The following FAM83G variants were observed in gnomAD, a reference collection of about 807,000 sequenced individuals.
FAM83G encodes scaffolding CK1 anchoring protein G.
In FAM83G, 38 loss-of-function variants were observed where a neutral mutation model predicts 61.5. That is an observed-to-expected ratio of 0.62 (90% CI 0.48 to 0.81). The LOEUF is 0.81. FAM83G is among the 30% of genes least tolerant of loss of function. FAM83G has a pLI of 0.00. For synonymous variants in FAM83G, 470 were observed against 476.1 expected (o/e 0.99, Z 0.17); for missense variants, 989 against 1,133.6 (o/e 0.87, Z 1.83).
At chr17:19,001,658 T>A (rs1230198230) in intron 2 of FAM83G, among the ~76,000 whole-genome samples, 1 of 152,200 alleles carries the variant, frequency 6.6e-6, no homozygotes, top group Admixed American at 6.5e-5. Flanking sequence ...GGGACTTTTG[T>A]GGGAAGCAAA....
intron 4 of FAM83G, 139 bp from the exon 5 acceptor site, chr17:18,978,989 G>A (rs2043061508): frequency 2.1e-6 from 2 of 941,194 alleles, no homozygotes; most frequent in Admixed American, 2.6e-5. Context: ...CAGAGAGCAG[G>A]TGCATACTGT....
At position 18,971,393 on chromosome 17, in the gene FAM83G, C is replaced by T; in HGVS notation, c.2438G>A (p.Arg813Lys). 1 of 1,613,690 alleles carries T rather than the reference C, an allele frequency of 6.2e-7. No homozygotes were observed. Among genetic ancestry groups the T allele is most frequent in the Non-Finnish European group, 8.5e-7 (1 of 1,179,998 alleles). ...TTTGCGGTCCCGGGGGGCTTGAGCC[C>T]TCCGTTTAGAATCCGATGAGGCCCA... ...SQWASSDSKR[R>K]AQAPRDRKDP The change falls in exon 6 of 6, where the codon AGG becomes AAG. Residue 813 changes from arginine (R) to lysine (K), a missense_variant. By Grantham distance (26) the Arg-to-Lys change is conservative. Coordinates refer to ENST00000388995, the MANE Select transcript of FAM83G (RefSeq NM_001039999.3). This position sits in a 1 kb window ranked among gnomAD's most constrained non-coding sequence, Gnocchi z 5.5.
At chr17:19,005,655 C>T (rs185868539), upstream of FAM83G, among the ~76,000 whole-genome samples, 2 of 151,966 alleles carry the variant, frequency 1.3e-5, no homozygotes, top group East Asian at 1.9e-4. Flanking sequence ...AAACCCCCCC[C>T]CTCCAAGGCC....
intron 2 of FAM83G, among the ~76,000 whole-genome samples, chr17:18,990,745 G>A (rs1489838939): frequency 6.6e-6 from 1 of 152,236 alleles, no homozygotes; most frequent in Non-Finnish European, 1.5e-5. Flanking sequence ...GGTGGTCAGA[G>A]ATGGGTTTGT....
chr17:18,985,538 C>G (rs916100096), intron 3 of FAM83G, among the ~76,000 whole-genome samples: 1 of 152,050 alleles, frequency 6.6e-6, no homozygotes, highest in Non-Finnish European at 1.5e-5. Flanking sequence ...AGGAAGTGCT[C>G]CCGGGACAGG....
intron 3 of FAM83G, among the ~76,000 whole-genome samples, chr17:18,984,607 G>C (rs1054569875): frequency 6.6e-6 from 1 of 152,218 alleles, no homozygotes; most frequent in Non-Finnish European, 1.5e-5. Context: ...GGGGCTGCTG[G>C]TATTTCCAGT....
At position 18,978,808 on chromosome 17, in the gene FAM83G, A is replaced by G. The variant is rs778793268; in HGVS notation, c.858T>C (p.Ser286=). The change falls in exon 5 of 6, where the codon TCT becomes TCC. Residue 286 remains serine (S), a synonymous_variant. Transcript: ENST00000388995. ...TCTCCACCACCTGGCCAGACAGCAC[A>G]GAGATCACATTCCGGTCCGTCCGCG... ...SAARTDRNVI[S]VLSGQVVEMF... is the part of the protein sequence containing the mutation. 4.3e-6 allele frequency: 7 copies of G among 1,612,962 alleles called. No homozygotes were observed. Among genetic ancestry groups the G allele is most frequent in the South Asian group, 2.2e-5 (2 of 91,084 alleles).
chr17:18,971,789 GCCAACCCCGCC>G lies in FAM83G; in HGVS notation c.2083-52_2083-42del. The G allele has an allele frequency of 2.0e-6, 3 of 1,521,514 alleles. No individual in the cohort carries two copies. Among genetic ancestry groups the G allele is most frequent in the Non-Finnish European group, 2.6e-6 (3 of 1,134,664 alleles). 94.3% of individuals were successfully genotyped at this position (1,521,514 alleles called of 1,614,324 possible). On this transcript the variant is annotated intron_variant, in intron 5 of 5. Coordinates refer to ENST00000388995, the MANE Select transcript of FAM83G (RefSeq NM_001039999.3). The surrounding 1 kb of genome is among the most constrained non-coding windows in gnomAD (Gnocchi z 5.5). ...CAGAGAGTGAGGCTGAGCAAGAAGG[GCCAACCCCGCC>G]CCAGCACAGGACCCTGCTCAGGCAC... is the stretch of plus-strand genomic sequence containing the variant.
In FAM83G at chr17:19,003,872, T is replaced by G. The variant is rs960889355; in HGVS notation, c.170A>C (p.Asp57Ala). 1 of 1,612,948 alleles carries G rather than the reference T, an allele frequency of 6.2e-7. No homozygotes were observed. The highest frequency in any genetic ancestry group is 8.5e-7 in the Non-Finnish European group (1 of 1,179,912). ...CTTGAGCTCCAGCTCCGAGAGGAAG[T>G]CTCGGATGTTCTCCCGCTTGAGCAC... ...YEVLKRENIR[D>A]FLSELELKRI... The change falls in exon 2 of 6, where the codon GAC becomes GCC. Residue 57 changes from aspartate (D) to alanine (A), a missense_variant. Transcript: ENST00000388995. The surrounding 1 kb of genome is among the most constrained non-coding windows in gnomAD (Gnocchi z 4.5).
At chr17:18,999,256 C>T (rs540025014) in intron 2 of FAM83G, among the ~76,000 whole-genome samples, 4 of 151,202 alleles carry the variant, frequency 2.6e-5, no homozygotes, top group South Asian at 4.2e-4. Context: ...CCAGCCTGGG[C>T]GACAGAGCAA....
rs62076172 is a variant in FAM83G, at chr17:18,971,376, C to T, written c.2455G>A (p.Asp819Asn). ...DSKRRAQAPR[D>N]RKDP ...ACATGCTGCTAGGGGTCTTTGCGGTCCCGGGGGGCTTGAGCCCTCCGTTTA... is the reference window on the plus strand; with the variant it reads ...ACATGCTGCTAGGGGTCTTTGCGGTTCCGGGGGGCTTGAGCCCTCCGTTTA... Residue 819 changes from aspartate to asparagine, a missense_variant, in exon 6 of 6, where the codon GAC becomes AAC. Transcript: ENST00000388995. The surrounding 1 kb of genome is among the most constrained non-coding windows in gnomAD (Gnocchi z 5.5). 1 of 1,584,864 alleles carries T rather than the reference C, an allele frequency of 6.3e-7. No homozygotes were observed. Among genetic ancestry groups the T allele is most frequent in the Non-Finnish European group, 8.6e-7 (1 of 1,169,244 alleles).
chr17:18,984,432 C>T (rs1486014379), intron 3 of FAM83G, among the ~76,000 whole-genome samples: 5 of 152,268 alleles, frequency 3.3e-5, no homozygotes, highest in Admixed American at 2.0e-4. Context: ...CAGGCATCCC[C>T]GGGGAACGGG....
chr17:19,003,415 A>G lies in FAM83G; in HGVS notation c.522+105T>C, dbSNP rs2043784097. 8.1e-7 allele frequency: 1 copy of G among 1,235,640 alleles called. No individual in the cohort carries two copies. The highest frequency in any genetic ancestry group is 1.1e-6 in the Non-Finnish European group (1 of 932,442). 76.5% of individuals were successfully genotyped at this position (1,235,640 alleles called of 1,614,324 possible). A position where few individuals can be genotyped will look rare whatever the true frequency, so the allele number is the denominator to read the frequency against. On this transcript the variant is annotated intron_variant, in intron 2 of 5. Coordinates refer to ENST00000388995, the MANE Select transcript of FAM83G (RefSeq NM_001039999.3). This position sits in a 1 kb window ranked among gnomAD's most constrained non-coding sequence, Gnocchi z 4.5. ...GCCAGGGAAAACAGCAGAGATCCCT[A>G]GAAGCCCATGTTGGGCTCCCGTTTT... is the stretch of plus-strand genomic sequence containing the variant.
In FAM83G at chr17:18,977,932, C is replaced by A. The variant is rs1162196290; in HGVS notation, c.1734G>T (p.Gly578=). The A allele has an allele frequency of 6.2e-7, 1 of 1,608,406 alleles. No individual in the cohort carries two copies. Among genetic ancestry groups the A allele is most frequent in the African/African-American group, 1.3e-5 (1 of 74,982 alleles). Residue 578 remains glycine, a synonymous_variant, in exon 5 of 6, where the codon GGG becomes GGT. Transcript: ENST00000388995. ...LGVGLPNGLD[G]VEEEDDDDYV... ...AGTCGTCATCATCTTCTTCTTCCAC[C>A]CCATCCAGCCCATTGGGGAGCCCCA... is the stretch of plus-strand genomic sequence containing the variant.
chr17:18,977,988 C>T lies in FAM83G; in HGVS notation c.1678G>A (p.Val560Met). 1.3e-6 allele frequency: 2 copies of T among 1,574,108 alleles called. No homozygotes were observed. The highest frequency in any genetic ancestry group is 1.7e-6 in the Non-Finnish European group (2 of 1,159,290). ...AGGCTCTCGGGGTCATCCTGGGTCACAGATAGCTGCCGCTGGAGTGGGGCG... is the reference window on the plus strand; with the variant it reads ...AGGCTCTCGGGGTCATCCTGGGTCATAGATAGCTGCCGCTGGAGTGGGGCG... ...GHAPLQRQLS[V>M]TQDDPESLGV... The change falls in exon 5 of 6, where the codon GTG becomes ATG. Residue 560 changes from valine (V) to methionine (M), a missense_variant. Val to Met is a conservative substitution (Grantham distance 21). Around this residue, in one of 3 missense-constraint regions of FAM83G, gnomAD observed 574 missense variants for 645.1 expected, o/e 0.89. Coordinates refer to ENST00000388995, the MANE Select transcript of FAM83G (RefSeq NM_001039999.3).
Position 18,969,623 on chromosome 17 carries a change from T to C in FAM83G, c.*1736A>G. 1.9e-6 allele frequency: 1 copy of C among 528,390 alleles called. No homozygotes were observed. Among genetic ancestry groups the C allele is most frequent in the Non-Finnish European group, 3.3e-6 (1 of 300,832 alleles). The allele number at this position is 528,390 out of a possible 1,614,324, so 32.7% of individuals were successfully genotyped here. On this transcript the variant is annotated 3_prime_UTR_variant, in exon 6 of 6. Coordinates refer to ENST00000388995, the MANE Select transcript of FAM83G (RefSeq NM_001039999.3). ...AGGGACTGCCCTGGCTGGTAGAGGC[T>C]ACCCACCCTGCTGCCCCGCTGTTAC...
chr17:18,997,940 A>T (rs1278038999), intron 2 of FAM83G, among the ~76,000 whole-genome samples: 2 of 152,254 alleles, frequency 1.3e-5, no homozygotes, highest in Non-Finnish European at 2.9e-5. Flanking sequence ...TGTTAGCACT[A>T]CCATGACACT....
chr17:18,988,754 G>A (rs564138267), intron 2 of FAM83G, among the ~76,000 whole-genome samples: 30 of 152,240 alleles, frequency 2.0e-4, no homozygotes, highest in Admixed American at 1.3e-3. Context: ...CTGGCGTGGC[G>A]GCTCGCTGGG....
Position 18,971,486 on chromosome 17 carries a change from G to A in FAM83G, c.2345C>T (p.Pro782Leu), listed in dbSNP as rs369743101. 7 of 1,613,958 alleles carry A rather than the reference G, an allele frequency of 4.3e-6. No individual in the cohort carries two copies. In the African/African-American group the frequency reaches 6.7e-5, roughly 15 times the overall value. Residue 782 changes from proline (P) to leucine (L), a missense_variant, in exon 6 of 6, where the codon CCC becomes CTC. Coordinates refer to ENST00000388995, the MANE Select transcript of FAM83G (RefSeq NM_001039999.3). The surrounding 1 kb of genome is among the most constrained non-coding windows in gnomAD (Gnocchi z 5.5). ...DGRATEEHPS[P>L]FGIPYSKLSQ... Reference sequence around the variant, plus strand: ...CAGTTTGGAGTATGGGATTCCGAAGGGACTCGGATGCTCCTCGGTGGCCCT... The same window carrying A: ...CAGTTTGGAGTATGGGATTCCGAAGAGACTCGGATGCTCCTCGGTGGCCCT...
Sources: gnomAD v4.1 joint callset for allele counts (sites outside exome capture counted in the v4.1 genomes callset) on GRCh38, gnomAD v4.1.1 for gene constraint, gnomAD v4.1.1 regional missense constraint, Gnocchi (gnomAD v3.1) non-coding constraint, MANE v1.5 for transcripts, NCBI Gene and HGNC (gene_info 2026-07-23, HGNC 2026-07-21) for gene names.